Variants in ANO2 observed in about 807,000 individuals in gnomAD.
ANO2 encodes the protein anoctamin-2.
A neutral mutation model predicts 124.2 loss-of-function variants in ANO2; 101 were observed. That is an observed-to-expected ratio of 0.81 (90% CI 0.69 to 0.96). The LOEUF (loss-of-function observed/expected upper bound fraction) is 0.96. ANO2 is among the 40% of genes least tolerant of loss of function. ANO2 has a pLI of 0.00. For synonymous variants in ANO2, 486 were observed against 482.5 expected, an observed-to-expected ratio of 1.01 and a Z score of -0.09; for missense variants, 1,293 against 1,274.5, an observed-to-expected ratio of 1.01 and a Z score of -0.22.
chr12:5,800,914 G>A (rs769740194), intron 9 of ANO2, among the ~76,000 whole-genome samples: 1 of 152,188 alleles, frequency 6.6e-6, no homozygotes, highest in Non-Finnish European at 1.5e-5. Flanking sequence ...AGATGCCTGA[G>A]GTCTGGGCCC....
At chr12:5,632,132 G>A (rs1945749498) in intron 16 of ANO2, among the ~76,000 whole-genome samples, 1 of 152,152 alleles carries the variant, frequency 6.6e-6, no homozygotes, top group Admixed American at 6.5e-5. Context: ...AAGGAGCCAA[G>A]TCTAGAGCTC....
intron 4 of ANO2, among the ~76,000 whole-genome samples, chr12:5,833,258 T>C (rs1244918810): frequency 2.0e-5 from 3 of 152,260 alleles, no homozygotes; most frequent in Non-Finnish European, 4.4e-5. Context: ...TAATTGTTAA[T>C]ATTTATAGTG....
intron 3 of ANO2, among the ~76,000 whole-genome samples, chr12:5,896,278 TAATC>T (rs1204222741): frequency 1.3e-5 from 2 of 152,066 alleles, no homozygotes; most frequent in Non-Finnish European, 2.9e-5. Flanking sequence ...ATAAAAATAT[TAATC>T]AAAACAAAAA....
At chr12:5,816,735 C>T (rs1953622646) in intron 7 of ANO2, among the ~76,000 whole-genome samples, 1 of 152,168 alleles carries the variant, frequency 6.6e-6, no homozygotes, top group Non-Finnish European at 1.5e-5. Flanking sequence ...GATACTTAGA[C>T]ATATAGAGAC....
In ANO2 at chr12:5,658,584, TATCATC is replaced by T. The variant is rs780138252; in HGVS notation, c.1546-10789_1546-10784del. ...ACATCAATATTATCATTGTCATCAA[TATCATC>T]ATCATCATCATTATCATCATTAAAT... On this transcript the variant is annotated intron_variant, in intron 14 of 24. Transcript: ENST00000682330. This position sits in a 1 kb window ranked among gnomAD's most constrained non-coding sequence, Gnocchi z 4.3. Among the ~76,000 whole-genome samples, 3 of 151,836 alleles carry T rather than the reference TATCATC, an allele frequency of 2.0e-5. No individual in the cohort carries two copies. The highest frequency in any genetic ancestry group is 7.3e-5 in the African/African-American group (3 of 41,320).
At position 5,921,178 on chromosome 12, in the gene ANO2, G is replaced by C. The variant is rs775952198; in HGVS notation, c.396C>G (p.Gly132=). 1 of 1,613,898 alleles carries C rather than the reference G, an allele frequency of 6.2e-7. No homozygotes were observed. The highest frequency in any genetic ancestry group is 8.5e-7 in the Non-Finnish European group (1 of 1,179,858). The change falls in exon 3 of 25, where the codon GGC becomes GGG. Residue 132 remains glycine, a synonymous_variant. Transcript: ENST00000682330. ...SLAIVSNGET[G]KEPHAGGPGD... is the part of the protein sequence containing the mutation. The stretch of plus-strand genomic sequence containing the variant: ...CTGGGCCCCCAGCATGAGGCTCCTT[G>C]CCTGTCTCCCCATTGGAGACGATAG...
intron 14 of ANO2, among the ~76,000 whole-genome samples, chr12:5,678,100 G>T (rs73271249): frequency 6.6e-6 from 1 of 152,144 alleles, no homozygotes; most frequent in Non-Finnish European, 1.5e-5. Context: ...GACCAAGCTC[G>T]CTTCTTTGTG....
intron 14 of ANO2, among the ~76,000 whole-genome samples, chr12:5,670,805 G>A (rs369250399): frequency 1.2e-4 from 18 of 152,220 alleles, no homozygotes; most frequent in East Asian, 1.2e-3. Context: ...CTCCCAGAGC[G>A]CTGGGATTAC....
intron 14 of ANO2, among the ~76,000 whole-genome samples, chr12:5,719,205 C>T (rs1466237784): frequency 2.0e-5 from 3 of 152,244 alleles, no homozygotes. Flanking sequence ...AGCGCCTTCA[C>T]TTCTTTGCCT....
At chr12:5,844,980 C>G in intron 4 of ANO2, among the ~76,000 whole-genome samples, 1 of 148,726 alleles carries the variant, frequency 6.7e-6, no homozygotes, top group South Asian at 2.1e-4. Flanking sequence ...TTTAGTAAAA[C>G]CAAAGACTAG....
chr12:5,933,667 C>T (rs1942528525), intron 1 of ANO2, among the ~76,000 whole-genome samples: 1 of 152,230 alleles, frequency 6.6e-6, no homozygotes, highest in Non-Finnish European at 1.5e-5. Flanking sequence ...AACTTGGCAT[C>T]CAAAGACTTA....
intron 3 of ANO2, among the ~76,000 whole-genome samples, chr12:5,878,609 C>G (rs1938271731): frequency 1.3e-5 from 2 of 152,198 alleles, no homozygotes; most frequent in Admixed American, 1.3e-4. Context: ...TAGACAAACA[C>G]AGACAAATAA....
chr12:5,598,632 A>G (rs1943781707), intron 20 of ANO2, among the ~76,000 whole-genome samples: 1 of 152,236 alleles, frequency 6.6e-6, no homozygotes, highest in Admixed American at 6.5e-5. Context: ...CTGGGATGAC[A>G]GGCATGAGCC....
At chr12:5,697,191 T>C (rs967328107) in intron 14 of ANO2, among the ~76,000 whole-genome samples, 2 of 152,142 alleles carry the variant, frequency 1.3e-5, no homozygotes, top group African/African-American at 4.8e-5. Flanking sequence ...CCCAGCACTC[T>C]GGGAGGCCGA....
At chr12:5,854,229 C>G (rs1167869961) in intron 3 of ANO2, 88 bp from the exon 4 acceptor site, 15 of 1,207,424 alleles carry the variant, frequency 1.2e-5, no homozygotes, top group Non-Finnish European at 1.8e-5. Context: ...CACAAGGAGC[C>G]CAACCCGTTG....
Position 5,597,908 on chromosome 12 carries a change from T to C in ANO2, c.2233+1576A>G, listed in dbSNP as rs184388516. On this transcript the variant is annotated intron_variant, in intron 20 of 24. Transcript: ENST00000682330. ...ATGAAAGGCATAAAGGGGCTACACGTTTCCTTAAACCAGGTCTTGATATTT... is the reference window on the plus strand; with the variant it reads ...ATGAAAGGCATAAAGGGGCTACACGCTTCCTTAAACCAGGTCTTGATATTT... Among the ~76,000 whole-genome samples the C allele has an allele frequency of 3.3e-5, 5 of 152,358 alleles. No individual in the cohort carries two copies. In the East Asian group the frequency reaches 9.6e-4, roughly 29 times the overall value.
At chr12:5,684,416 TGA>T (rs1948623542) in intron 14 of ANO2, among the ~76,000 whole-genome samples, 1 of 152,100 alleles carries the variant, frequency 6.6e-6, no homozygotes, top group Admixed American at 6.5e-5. Context: ...GGGAAACAGA[TGA>T]GTACAAGAAG....
chr12:5,674,172 G>T (rs1350101938), intron 14 of ANO2, among the ~76,000 whole-genome samples: 4 of 152,184 alleles, frequency 2.6e-5, no homozygotes, highest in African/African-American at 9.6e-5. Context: ...CTGGGAATTT[G>T]CTGTTTTTGA....
At chr12:5,901,528 G>A (rs1029758434) in intron 3 of ANO2, among the ~76,000 whole-genome samples, 26 of 152,228 alleles carry the variant, frequency 1.7e-4, no homozygotes, top group African/African-American at 5.8e-4. Context: ...GAAGAAGTCT[G>A]AAGGACCCTG....
Sources: gnomAD v4.1 joint callset for allele counts (sites outside exome capture counted in the v4.1 genomes callset) on GRCh38, gnomAD v4.1.1 for gene constraint, Gnocchi (gnomAD v3.1) non-coding constraint, MANE v1.5 for transcripts, NCBI Gene and HGNC (gene_info 2026-07-23, HGNC 2026-07-21) for gene names.